Variants in ADCY2 observed in about 807,000 individuals in gnomAD.
ADCY2 encodes the protein adenylate cyclase type 2.
Under a neutral mutation model 125.2 loss-of-function variants are expected in ADCY2, and 31 were observed. The ratio of observed to expected loss-of-function variants is 0.25; its 90% confidence interval spans 0.19 to 0.33. The LOEUF (loss-of-function observed/expected upper bound fraction) is 0.33, where lower values mean the gene tolerates loss of function less well. Ranked by LOEUF, ADCY2 falls within the 10% of genes least tolerant of loss-of-function variation. The pLI is 1.00. For synonymous variants in ADCY2, 512 were observed against 548.4 expected (o/e 0.93, Z 0.93); for missense variants, 904 against 1,418.2 (o/e 0.64, Z 5.82).
At chr5:7,790,631 T>C (rs979694993) in intron 20 of ADCY2, among the ~76,000 whole-genome samples, 5 of 152,184 alleles carry the variant, frequency 3.3e-5, no homozygotes, top group African/African-American at 9.7e-5. Context: ...CGAAGAAGTG[T>C]CTGAGACAGG....
chr5:7,500,066 G>A (rs1579507590), intron 2 of ADCY2, among the ~76,000 whole-genome samples: 1 of 152,206 alleles, frequency 6.6e-6, no homozygotes, highest in East Asian at 1.9e-4. Flanking sequence ...ATTATTGTGG[G>A]ATTATTTGTG....
At chr5:7,732,933 G>C (rs759090416) in intron 14 of ADCY2, among the ~76,000 whole-genome samples, 1 of 152,064 alleles carries the variant, frequency 6.6e-6, no homozygotes, top group Non-Finnish European at 1.5e-5. Flanking sequence ...CCTCTTTTTG[G>C]AGCTGCTCTC....
At chr5:7,762,213 G>A (rs556591082) in intron 16 of ADCY2, among the ~76,000 whole-genome samples, 16 of 152,298 alleles carry the variant, frequency 1.1e-4, no homozygotes, top group South Asian at 1.0e-3. Flanking sequence ...TGAACCACAC[G>A]GGTGCTCCTC....
chr5:7,776,504 C>T (rs554054542), intron 18 of ADCY2, among the ~76,000 whole-genome samples: 4 of 152,154 alleles, frequency 2.6e-5, no homozygotes, highest in Non-Finnish European at 5.9e-5. Flanking sequence ...TCCACCCAGG[C>T]CCCTAGACCT....
chr5:7,538,041 C>T (rs1054328610), intron 3 of ADCY2, among the ~76,000 whole-genome samples: 2 of 152,202 alleles, frequency 1.3e-5, no homozygotes, highest in African/African-American at 4.8e-5. Context: ...TCTCCTCTCA[C>T]CTGAATAACA....
chr5:7,689,102 G>A (rs1469157996), intron 4 of ADCY2, among the ~76,000 whole-genome samples: 2 of 152,144 alleles, frequency 1.3e-5, no homozygotes, highest in Non-Finnish European at 2.9e-5. Context: ...AGACGAGAGC[G>A]GGATCAGGCC....
intron 4 of ADCY2, among the ~76,000 whole-genome samples, chr5:7,652,424 T>C (rs1265330372): frequency 6.6e-6 from 1 of 152,202 alleles, no homozygotes; most frequent in East Asian, 1.9e-4. Context: ...AAAATACTTT[T>C]CCCATTGATC....
At chr5:7,668,279 A>T (rs1412166834) in intron 4 of ADCY2, among the ~76,000 whole-genome samples, 3 of 152,238 alleles carry the variant, frequency 2.0e-5, no homozygotes, top group Non-Finnish European at 4.4e-5. Flanking sequence ...TCATCCATTC[A>T]GCTGAAGGCC....
intron 3 of ADCY2, among the ~76,000 whole-genome samples, chr5:7,521,591 G>A (rs1744448028): frequency 6.6e-6 from 1 of 152,166 alleles, no homozygotes; most frequent in Non-Finnish European, 1.5e-5. Flanking sequence ...TGCAGCAAAT[G>A]CAGCCATGAC....
At chr5:7,736,188 C>T (rs2126418156) in intron 14 of ADCY2, among the ~76,000 whole-genome samples, 1 of 152,174 alleles carries the variant, frequency 6.6e-6, no homozygotes, top group Non-Finnish European at 1.5e-5. Context: ...CCACTGCACT[C>T]TTGCTTGGGT....
intron 12 of ADCY2, among the ~76,000 whole-genome samples, chr5:7,721,077 A>G (rs757004636): frequency 1.3e-5 from 2 of 152,144 alleles, no homozygotes; most frequent in Non-Finnish European, 2.9e-5. Flanking sequence ...TGACTTTTTA[A>G]TGATCGTCAT....
chr5:7,776,962 T>A (rs1268269518), intron 18 of ADCY2, among the ~76,000 whole-genome samples: 1 of 152,092 alleles, frequency 6.6e-6, no homozygotes, highest in Non-Finnish European at 1.5e-5. Flanking sequence ...ACTGAGCCAC[T>A]CCCAGCATCT....
intron 2 of ADCY2, among the ~76,000 whole-genome samples, chr5:7,498,236 T>A (rs1270010774): frequency 6.7e-6 from 1 of 148,352 alleles, no homozygotes; most frequent in Non-Finnish European, 1.5e-5. Context: ...TTTTTCTTTT[T>A]TCGTTTTTTT....
chr5:7,682,462 A>G (rs1283986948), intron 4 of ADCY2, among the ~76,000 whole-genome samples: 4 of 152,256 alleles, frequency 2.6e-5, no homozygotes, highest in Admixed American at 6.5e-5. Flanking sequence ...AGCTTCTCTT[A>G]TACTCATGAT....
intron 3 of ADCY2, among the ~76,000 whole-genome samples, chr5:7,586,990 A>C (rs1173809304): frequency 1.3e-5 from 2 of 152,208 alleles, no homozygotes; most frequent in Non-Finnish European, 2.9e-5. Flanking sequence ...AGATAGATAG[A>C]TAGACAAAGA....
At chr5:7,766,305 T>TG (rs1306297909) in intron 16 of ADCY2, among the ~76,000 whole-genome samples, 2 of 152,214 alleles carry the variant, frequency 1.3e-5, no homozygotes, top group East Asian at 1.9e-4. Context: ...GCAAAGATAC[T>TG]GGGGGGAAAA....
chr5:7,413,400 T>C (rs1739802119), intron 1 of ADCY2, among the ~76,000 whole-genome samples: 1 of 151,960 alleles, frequency 6.6e-6, no homozygotes, highest in Non-Finnish European at 1.5e-5. Context: ...GTTCACGCCA[T>C]TCTCTGTCTC....
intron 19 of ADCY2, among the ~76,000 whole-genome samples, chr5:7,785,799 T>G (rs754596300): frequency 2.0e-5 from 3 of 152,188 alleles, no homozygotes; most frequent in Non-Finnish European, 2.9e-5. Flanking sequence ...TAGAATCATC[T>G]CTCAGATTCC....
intron 16 of ADCY2, among the ~76,000 whole-genome samples, chr5:7,759,459 G>A (rs1579401054): frequency 6.6e-6 from 1 of 152,184 alleles, no homozygotes; most frequent in Admixed American, 6.5e-5. Flanking sequence ...GCTAAGGCAG[G>A]CCCTTGGCTG....
Sources: allele counts gnomAD v4.1 joint callset (sites outside exome capture counted in the v4.1 genomes callset), GRCh38; gene constraint gnomAD v4.1.1; transcripts MANE v1.5; gene names NCBI Gene and HGNC (gene_info 2026-07-23, HGNC 2026-07-21).